KDM4C: variants seen among roughly 807,000 people sequenced by gnomAD.
KDM4C encodes the protein lysine-specific demethylase 4C.
A neutral mutation model predicts 129.3 loss-of-function variants in KDM4C; 81 were observed. That is an observed-to-expected ratio of 0.63 (90% CI 0.52 to 0.75). The LOEUF (loss-of-function observed/expected upper bound fraction) is 0.75. Ranked by LOEUF, KDM4C falls within the 30% of genes least tolerant of loss-of-function variation. KDM4C has a pLI of 0.00. For synonymous variants in KDM4C, 573 were observed against 456.1 expected (o/e 1.26, Z -3.26); for missense variants, 1,457 against 1,304.0 (o/e 1.12, Z -1.81).
At position 7,007,628 on chromosome 9, in the gene KDM4C, T is replaced by C. The variant is rs557924264; in HGVS notation, c.1787-4070T>C. On this transcript the variant is annotated intron_variant, in intron 12 of 21. Coordinates refer to ENST00000381309, the MANE Select transcript of KDM4C (RefSeq NM_015061.6). ...CAGTGACTCTTTGATACTAACACTT[T>C]TAGAAAAATGTACACATGTATATGG... is the stretch of plus-strand genomic sequence containing the variant. Among the ~76,000 whole-genome samples the C allele has an allele frequency of 2.6e-5, 4 of 152,292 alleles. No homozygotes were observed. The East Asian group carries it at 5.8e-4, about 22-fold the overall frequency.
rs1846137339 is a variant in KDM4C at position 6,891,700 on chromosome 9, C to T, written c.784-1395C>T. On this transcript the variant is annotated intron_variant, in intron 7 of 21. Coordinates refer to ENST00000381309, the MANE Select transcript of KDM4C (RefSeq NM_015061.6). Reference sequence around the variant, plus strand: ...TAAAGTTGTTACTGAAAATAAAATACTTTAAAAAACACTATATGTATATAC... The same window carrying T: ...TAAAGTTGTTACTGAAAATAAAATATTTTAAAAAACACTATATGTATATAC... Among the ~76,000 whole-genome samples the T allele has an allele frequency of 2.0e-5, 3 of 152,000 alleles. No individual in the cohort carries two copies. In the South Asian group the frequency reaches 6.2e-4, roughly 32 times the overall value.
chr9:6,980,330 C>T (rs1357725666), intron 8 of KDM4C, among the ~76,000 whole-genome samples: 1 of 152,058 alleles, frequency 6.6e-6, no homozygotes, highest in Non-Finnish European at 1.5e-5. Flanking sequence ...ACCTTTACCC[C>T]ATGTCTTCAT....
chr9:6,914,038 G>A lies in KDM4C; in HGVS notation c.921+20806G>A, dbSNP rs1220670503. Among the ~76,000 whole-genome samples, 13 of 152,112 alleles carry A rather than the reference G, an allele frequency of 8.5e-5. 1 individual carries two copies. The highest frequency in any genetic ancestry group is 1.5e-5 in the Non-Finnish European group (1 of 68,010). On this transcript the variant is annotated intron_variant, in intron 8 of 21. Transcript: ENST00000381309. ...AGTTGAAAGCCTGAGACTGTTATTT[G>A]TTTACAACATAGTACATTTTGTATT... is the stretch of plus-strand genomic sequence containing the variant.
At chr9:7,047,807 A>G (rs1043767926) in intron 16 of KDM4C, among the ~76,000 whole-genome samples, 4 of 151,988 alleles carry the variant, frequency 2.6e-5, no homozygotes, top group Non-Finnish European at 5.9e-5. Flanking sequence ...GATAGAACCC[A>G]GTGTCAGTGG....
At chr9:7,103,117 A>G (rs1200106370) in intron 17 of KDM4C, among the ~76,000 whole-genome samples, 1 of 152,102 alleles carries the variant, frequency 6.6e-6, no homozygotes, top group Non-Finnish European at 1.5e-5. Context: ...TTTTTTTGTC[A>G]GTCATGAAGG....
chr9:6,820,145 A>C (rs1008242876), intron 4 of KDM4C, among the ~76,000 whole-genome samples: 1 of 152,160 alleles, frequency 6.6e-6, no homozygotes, highest in East Asian at 1.9e-4. Context: ...GTGGAGGGAC[A>C]GTTGGTGCAG....
chr9:6,836,192 C>T (rs1835839726), intron 4 of KDM4C, among the ~76,000 whole-genome samples: 1 of 152,114 alleles, frequency 6.6e-6, no homozygotes, highest in Non-Finnish European at 1.5e-5. Flanking sequence ...TGGCTCACGC[C>T]TGTAATCCCA....
At chr9:6,985,074 A>G (rs1157496080) in intron 10 of KDM4C, among the ~76,000 whole-genome samples, 1 of 152,164 alleles carries the variant, frequency 6.6e-6, no homozygotes, top group Non-Finnish European at 1.5e-5. Flanking sequence ...CCTCCGCCAG[A>G]ATCCGACTCC....
chr9:6,822,032 A>G (rs1389371901), intron 4 of KDM4C, among the ~76,000 whole-genome samples: 1 of 152,204 alleles, frequency 6.6e-6, no homozygotes, highest in Non-Finnish European at 1.5e-5. Context: ...GGCAACAGTA[A>G]CACAACTTAA....
intron 15 of KDM4C, among the ~76,000 whole-genome samples, chr9:7,042,632 C>G (rs1007796461): frequency 2.6e-5 from 4 of 152,002 alleles, no homozygotes; most frequent in Non-Finnish European, 5.9e-5. Context: ...GTATCATCTT[C>G]GTGGTTTGTT....
intron 12 of KDM4C, among the ~76,000 whole-genome samples, chr9:7,006,418 A>G (rs1012283898): frequency 2.0e-5 from 3 of 152,170 alleles, no homozygotes; most frequent in South Asian, 4.1e-4. Flanking sequence ...TTAATGATCA[A>G]TGACAAGACA....
At chr9:6,789,167 C>T (rs2130839705) in intron 1 of KDM4C, among the ~76,000 whole-genome samples, 1 of 151,158 alleles carries the variant, frequency 6.6e-6, no homozygotes. Flanking sequence ...GTCCTCCCGT[C>T]TCAGCCTCCG....
At chr9:6,723,589 C>T (rs1588026451) in intron 1 of KDM4C, 1 of 148,510 alleles carries the variant, frequency 6.7e-6, no homozygotes, top group African/African-American at 2.5e-5. Flanking sequence ...CTGCCTTGCA[C>T]TCCCTGAAGA....
rs1202635701 is a variant in KDM4C at position 6,916,439 on chromosome 9, TC to T, written c.921+23208del. Among the ~76,000 whole-genome samples, 3 of 152,096 alleles carry T rather than the reference TC, an allele frequency of 2.0e-5. No homozygotes were observed. The East Asian group carries it at 5.8e-4, about 29-fold the overall frequency. ...CACAGCCTTCCGAGCAGCTGGGACT[TC>T]TTAATTTGTTTTTTTATAGAGACAG... On this transcript the variant is annotated intron_variant, in intron 8 of 21. Coordinates refer to ENST00000381309, the MANE Select transcript of KDM4C (RefSeq NM_015061.6).
intron 4 of KDM4C, among the ~76,000 whole-genome samples, chr9:6,845,278 A>G (rs1213994319): frequency 1.3e-5 from 2 of 152,154 alleles, no homozygotes; most frequent in African/African-American, 2.4e-5. Context: ...CAGTGGCGCA[A>G]TCACTGGCTC....
chr9:7,002,978 A>T (rs1436388114), intron 12 of KDM4C, among the ~76,000 whole-genome samples: 1 of 152,190 alleles, frequency 6.6e-6, no homozygotes, highest in Admixed American at 6.5e-5. Context: ...CTCCTGTCTC[A>T]GCCTCCCGAG....
At chr9:6,978,801 A>G (rs1248333402) in intron 8 of KDM4C, 1 of 152,212 alleles carries the variant, frequency 6.6e-6, no homozygotes, top group Admixed American at 6.6e-5. Context: ...CGAGTCACAT[A>G]CTTCATCTGT....
intron 9 of KDM4C, 34 bp from the exon 10 acceptor site, chr9:6,984,132 A>C: frequency 7.1e-7 from 1 of 1,417,238 alleles, no homozygotes; most frequent in Non-Finnish European, 1.0e-6. Flanking sequence ...CATTGCAGAC[A>C]TCCCGCTCTG....
intron 17 of KDM4C, among the ~76,000 whole-genome samples, chr9:7,081,153 G>C (rs1272343668): frequency 6.6e-6 from 1 of 152,204 alleles, no homozygotes; most frequent in Non-Finnish European, 1.5e-5. Context: ...AGTATGTGGA[G>C]GGGGATTACT....
Sources: allele counts gnomAD v4.1 joint callset (sites outside exome capture counted in the v4.1 genomes callset), GRCh38; gene constraint gnomAD v4.1.1; transcripts MANE v1.5; gene names NCBI Gene and HGNC (gene_info 2026-07-23, HGNC 2026-07-21).